PLEKHG2: variants seen among roughly 807,000 people sequenced by gnomAD.
PLEKHG2 encodes the protein pleckstrin homology and RhoGEF domain containing G2.
PLEKHG2 carries 71 observed loss-of-function variants against 104.4 expected under a neutral mutation model. The ratio of observed to expected loss-of-function variants is 0.68; its 90% CI spans 0.56 to 0.83. PLEKHG2 has a LOEUF of 0.83. Ranked by LOEUF, PLEKHG2 falls within the 40% of genes least tolerant of loss-of-function variation. PLEKHG2 has a pLI of 0.00. For synonymous variants in PLEKHG2, 728 were observed against 737.0 expected (o/e 0.99, Z 0.20); for missense variants, 1,730 against 1,809.4 (o/e 0.96, Z 0.80).
intron 11 of PLEKHG2, among the ~76,000 whole-genome samples, chr19:39,419,331 T>TGTGGTGG (rs2078660158): frequency 1.3e-5 from 2 of 152,204 alleles, no homozygotes; most frequent in Non-Finnish European, 2.9e-5. Context: ...CTGTGGTGGC[T>TGTGGTGG]CATGCCTATA....
In PLEKHG2 at chr19:39,425,212, A is replaced by G; in HGVS notation, c.4079A>G (p.His1360Arg). 1 of 1,613,134 alleles carries G rather than the reference A, an allele frequency of 6.2e-7. No homozygotes were observed. Among genetic ancestry groups the G allele is most frequent in the Non-Finnish European group, 8.5e-7 (1 of 1,179,942 alleles). The change falls in exon 19 of 19, where the codon CAC becomes CGC. Residue 1360 changes from histidine to arginine, a missense_variant. Physicochemically the swap from His to Arg is conservative, Grantham distance 29. Transcript: ENST00000425673. Reference sequence around the variant, plus strand: ...GCCAAGGCCCAGGTCCGGTTGAACCACCCTGCTCTCTTGGCCTCCACACAG... The same window carrying G: ...GCCAAGGCCCAGGTCCGGTTGAACCGCCCTGCTCTCTTGGCCTCCACACAG... ...RPAKAQVRLNHPALLASTQES... is the reference protein window; with the variant it reads ...RPAKAQVRLNRPALLASTQES...
At chr19:39,420,398 A>G (rs1177064561) in intron 11 of PLEKHG2, among the ~76,000 whole-genome samples, 8 of 152,074 alleles carry the variant, frequency 5.3e-5, no homozygotes, top group Non-Finnish European at 1.0e-4. Context: ...GATGGTGCAC[A>G]TATGAAATCC....
Position 39,415,230 on chromosome 19 carries a change from C to G in PLEKHG2, c.348C>G (p.Ala116=). Residue 116 remains alanine, a synonymous_variant, in exon 3 of 19, where the codon GCC becomes GCG. Transcript: ENST00000425673. The surrounding 1 kb of genome is among the most constrained non-coding windows in gnomAD (Gnocchi z 4.6). ...VAREIVETER[A]YVRDLRSIVE... ...GGGAGATCGTGGAGACAGAACGGGC[C>G]TATGTCAGGGACCTCCGCAGCATCG... The G allele has an allele frequency of 2.5e-6, 4 of 1,585,394 alleles. No individual in the cohort carries two copies. Among genetic ancestry groups the G allele is most frequent in the Non-Finnish European group, 3.4e-6 (4 of 1,165,116 alleles).
In PLEKHG2 at chr19:39,415,278, C is replaced by T. The variant is rs905553331; in HGVS notation, c.378+18C>T. The stretch of plus-strand genomic sequence containing the variant: ...TCGTGGAGGTAAGGCGGGCAGACAC[C>T]AGAGGGCAGTGGGTACCCAGGCCAG... On this transcript the variant is annotated intron_variant, in intron 3 of 18. Coordinates refer to ENST00000425673, the MANE Select transcript of PLEKHG2 (RefSeq NM_022835.3). This position sits in a 1 kb window ranked among gnomAD's most constrained non-coding sequence, Gnocchi z 4.6. The T allele has an allele frequency of 6.2e-7, 1 of 1,601,648 alleles. No homozygotes were observed. The highest frequency in any genetic ancestry group is 8.5e-7 in the Non-Finnish European group (1 of 1,173,762).
chr19:39,424,108 G>C lies in PLEKHG2; in HGVS notation c.2975G>C (p.Arg992Thr), dbSNP rs31726. The change falls in exon 19 of 19, where the codon AGA (arginine) becomes ACA (threonine). Residue 992 changes from arginine to threonine, a missense_variant. By Grantham distance (71) the Arg-to-Thr change is moderately conservative (BLOSUM62 -1). Transcript: ENST00000425673. Reference protein sequence around the residue: ...VPATTPLPEHRSHMVIPAPST... With the variant: ...VPATTPLPEHTSHMVIPAPST... ...GCCACCACTCCTTTGCCTGAGCATAGAAGTCACATGGTTATACCAGCTCCA... is the reference window on the plus strand; with the variant it reads ...GCCACCACTCCTTTGCCTGAGCATACAAGTCACATGGTTATACCAGCTCCA... 1 of 1,613,742 alleles carries C rather than the reference G, an allele frequency of 6.2e-7. No homozygotes were observed. Among genetic ancestry groups the C allele is most frequent in the Non-Finnish European group, 8.5e-7 (1 of 1,179,932 alleles).
chr19:39,426,377 C>T lies in PLEKHG2; in HGVS notation c.*1083C>T, dbSNP rs1286706320. 6.6e-6 allele frequency: 1 copy of T among 152,270 alleles called. No individual in the cohort carries two copies. Among genetic ancestry groups the T allele is most frequent in the East Asian group, 1.9e-4 (1 of 5,206 alleles). The allele number at this position is 152,270 out of a possible 1,614,324, so 9.4% of individuals were successfully genotyped here. A position where few individuals can be genotyped will look rare whatever the true frequency, so the allele number is the denominator to read the frequency against. On this transcript the variant is annotated 3_prime_UTR_variant, in exon 19 of 19. Coordinates refer to ENST00000425673, the MANE Select transcript of PLEKHG2 (RefSeq NM_022835.3). ...TTCATCCACATGCTCCCTCCCCCAGCAAAATAATTCAGGTCGTGGAGACAA... is the reference window on the plus strand; with the variant it reads ...TTCATCCACATGCTCCCTCCCCCAGTAAAATAATTCAGGTCGTGGAGACAA...
chr19:39,414,473 A>T (rs1461609077), intron 2 of PLEKHG2, among the ~76,000 whole-genome samples: 2 of 152,306 alleles, frequency 1.3e-5, no homozygotes, highest in East Asian at 3.9e-4. Flanking sequence ...AGGGGGAAGG[A>T]GTTGCGCAAA....
intron 11 of PLEKHG2, among the ~76,000 whole-genome samples, chr19:39,419,438 CAT>C (rs1030358415): frequency 1.1e-4 from 17 of 151,896 alleles, no homozygotes; most frequent in Non-Finnish European, 2.2e-4. Flanking sequence ...CTCTAAAAAA[CAT>C]TTTTTAATTA....
chr19:39,414,320 C>G (rs1057499062), intron 2 of PLEKHG2, 125 bp downstream of exon 2: 3 of 977,648 alleles, frequency 3.1e-6, no homozygotes, highest in Non-Finnish European at 4.6e-6. Context: ...GTGGGGAAGG[C>G]GGGCCCATCC....
intron 2 of PLEKHG2, among the ~76,000 whole-genome samples, chr19:39,414,409 G>A (rs771857022): frequency 1.3e-5 from 2 of 152,232 alleles, no homozygotes; most frequent in Non-Finnish European, 2.9e-5. Flanking sequence ...GAGCTCGGAA[G>A]GTCAGGGGAA....
Position 39,424,189 on chromosome 19 carries a change from C to T in PLEKHG2, c.3056C>T (p.Thr1019Ile), listed in dbSNP as rs182474743. ...TGTGCGGACATCCACGTTCCCACCA[C>T]TCCAGCTTTGCCCAAGGAGATTTGT... ...GHCADIHVPT[T>I]PALPKEICSD... Residue 1019 changes from threonine to isoleucine, a missense_variant, in exon 19 of 19, where the codon ACT becomes ATT. Transcript: ENST00000425673. The T allele has an allele frequency of 2.5e-6, 4 of 1,614,230 alleles. No homozygotes were observed. Among genetic ancestry groups the T allele is most frequent in the Non-Finnish European group, 2.5e-6 (3 of 1,180,034 alleles).
At position 39,423,832 on chromosome 19, in the gene PLEKHG2, A is replaced by C. The variant is rs774695045; in HGVS notation, c.2699A>C (p.Gln900Pro). ...SVPLGPAVWV[Q>P]AAIPLSKQGG... ...CCCCTGGGTCCTGCTGTCTGGGTTCAAGCTGCCATACCTTTGTCAAAGCAG... is the reference window on the plus strand; with the variant it reads ...CCCCTGGGTCCTGCTGTCTGGGTTCCAGCTGCCATACCTTTGTCAAAGCAG... Residue 900 changes from glutamine to proline, a missense_variant, in exon 19 of 19, where the codon CAA (glutamine) becomes CCA (proline). Physicochemically the swap from Gln to Pro is moderately conservative, Grantham distance 76. Coordinates refer to ENST00000425673, the MANE Select transcript of PLEKHG2 (RefSeq NM_022835.3). 1 of 1,614,166 alleles carries C rather than the reference A, an allele frequency of 6.2e-7. No individual in the cohort carries two copies. The highest frequency in any genetic ancestry group is 8.5e-7 in the Non-Finnish European group (1 of 1,180,032).
chr19:39,416,199 C>G lies in PLEKHG2; in HGVS notation c.480-149C>G. The G allele has an allele frequency of 1.3e-6, 1 of 766,794 alleles. No individual in the cohort carries two copies. Among genetic ancestry groups the G allele is most frequent in the Non-Finnish European group, 2.2e-6 (1 of 451,512 alleles). 47.5% of individuals were successfully genotyped at this position (766,794 alleles called of 1,614,324 possible). A position where few individuals can be genotyped will look rare whatever the true frequency, so the allele number is the denominator to read the frequency against. ...TGCCCCGTGTAGCCCTCAGAGGACC[C>G]TTCCTCCGGACATGACATCCCCTTA... On this transcript the variant is annotated intron_variant, in intron 4 of 18. Transcript: ENST00000425673. The surrounding 1 kb of genome is among the most constrained non-coding windows in gnomAD (Gnocchi z 4.5).
At chr19:39,422,367 A>G (rs577720726) in intron 17 of PLEKHG2, 79 bp downstream of exon 17, 1 of 1,422,714 alleles carries the variant, frequency 7.0e-7, no homozygotes, top group African/African-American at 1.5e-5. Flanking sequence ...AGGCCAGCCC[A>G]TGCTGATACC....
rs1197115511 is a variant in PLEKHG2, at chr19:39,423,977, G to A, written c.2844G>A (p.Gln948=). The A allele has an allele frequency of 1.2e-6, 2 of 1,614,144 alleles. No homozygotes were observed. The highest frequency in any genetic ancestry group is 4.5e-5 in the East Asian group (2 of 44,868). The change falls in exon 19 of 19, where the codon CAG becomes CAA. Residue 948 remains glutamine (Q), a synonymous_variant. Transcript: ENST00000425673. The stretch of plus-strand genomic sequence containing the variant: ...AGCAAGGAGGTTCCCGGCATGTCCA[G>A]GCTCCAGCCGCCACACCTTTGCCCA... ...LPEQGGSRHV[Q]APAATPLPKQ... is the part of the protein sequence containing the mutation.
intron 8 of PLEKHG2, 36 bp downstream of exon 8, chr19:39,417,728 G>A: frequency 6.2e-7 from 1 of 1,600,712 alleles, no homozygotes; most frequent in South Asian, 1.1e-5. Flanking sequence ...GCTGGATGAG[G>A]GAGTGAGCGA....
At position 39,423,035 on chromosome 19, in the gene PLEKHG2, G is replaced by A. The variant is rs149015203; in HGVS notation, c.1981G>A (p.Asp661Asn). Residue 661 changes from aspartate to asparagine, a missense_variant, in exon 18 of 19, where the codon GAC (aspartate) becomes AAC (asparagine). Asp to Asn is a conservative substitution (Grantham distance 23). Coordinates refer to ENST00000425673, the MANE Select transcript of PLEKHG2 (RefSeq NM_022835.3). ...PEGSRLPSLS[D>N]ISDVFEMPCL... is the part of the protein sequence containing the mutation. ...AGGTTCTCGCCTTCCTAGTCTCTCT[G>A]ACATTTCCGATGTTTTTGAGATGCC... The A allele has an allele frequency of 2.0e-5, 32 of 1,614,114 alleles. No homozygotes were observed. The highest frequency in any genetic ancestry group is 5.3e-5 in the African/African-American group (4 of 75,012).
In PLEKHG2 at chr19:39,425,442, T is replaced by C; in HGVS notation, c.*148T>C. 1 of 1,302,788 alleles carries C rather than the reference T, an allele frequency of 7.7e-7. No homozygotes were observed. Among genetic ancestry groups the C allele is most frequent in the Non-Finnish European group, 1.0e-6 (1 of 988,138 alleles). 80.7% of individuals were successfully genotyped at this position (1,302,788 alleles called of 1,614,324 possible). A position where few individuals can be genotyped will look rare whatever the true frequency, so the allele number is the denominator to read the frequency against. On this transcript the variant is annotated 3_prime_UTR_variant, in exon 19 of 19. Transcript: ENST00000425673. Reference sequence around the variant, plus strand: ...GGTATCTGCATCGGCGAATGGCCCTTCTTGCCTTGATCCACAGGGATGGGG... The same window carrying C: ...GGTATCTGCATCGGCGAATGGCCCTCCTTGCCTTGATCCACAGGGATGGGG...
At position 39,419,007 on chromosome 19, in the gene PLEKHG2, C is replaced by T; in HGVS notation, c.1263+4C>T. The T allele has an allele frequency of 1.9e-6, 3 of 1,606,520 alleles. No individual in the cohort carries two copies. Among genetic ancestry groups the T allele is most frequent in the Non-Finnish European group, 2.5e-6 (3 of 1,178,030 alleles). On this transcript the variant is annotated splice_donor_region_variant and intron_variant, in intron 11 of 18. Coordinates refer to ENST00000425673, the MANE Select transcript of PLEKHG2 (RefSeq NM_022835.3). ...CCCTGCCTCCATCCCTGCCAAGGTA[C>T]AGCTCCTGCCGCAGCCGGGGGCCCT...
Sources: gnomAD v4.1 joint callset for allele counts (sites outside exome capture counted in the v4.1 genomes callset) on GRCh38, gnomAD v4.1.1 for gene constraint, Gnocchi (gnomAD v3.1) non-coding constraint, MANE v1.5 for transcripts, NCBI Gene and HGNC (gene_info 2026-07-23, HGNC 2026-07-21) for gene names.